YES1: variants seen among roughly 807,000 people sequenced by gnomAD.
YES1 encodes the protein tyrosine-protein kinase Yes.
In YES1, 39 loss-of-function variants were observed where a neutral mutation model predicts 70.4. The ratio of observed to expected loss-of-function variants is 0.55; its 90% CI spans 0.43 to 0.72. YES1 has a LOEUF of 0.72. Ranked by LOEUF, YES1 falls within the 30% of genes least tolerant of loss-of-function variation. The pLI, the probability that YES1 is intolerant of heterozygous loss-of-function variation, is 0.00. For synonymous variants in YES1, 198 were observed against 218.6 expected (o/e 0.91, Z 0.83); for missense variants, 495 against 644.8 (o/e 0.77, Z 2.52).
chr18:775,611 A>G (rs1905339665), intron 1 of YES1, among the ~76,000 whole-genome samples: 1 of 152,142 alleles, frequency 6.6e-6, no homozygotes, highest in Admixed American at 6.6e-5. Context: ...ACCCTGAGCA[A>G]CATAATGAGA....
chr18:762,320 C>CA (rs1302189624), intron 1 of YES1, among the ~76,000 whole-genome samples: 7 of 150,806 alleles, frequency 4.6e-5, no homozygotes, highest in African/African-American at 7.3e-5. Flanking sequence ...AACTCCATCT[C>CA]AAAAAAAAGA....
intron 3 of YES1, among the ~76,000 whole-genome samples, chr18:748,350 G>A (rs1054271855): frequency 5.4e-5 from 6 of 110,148 alleles, no homozygotes; most frequent in Non-Finnish European, 1.7e-5. Context: ...AAATTACTCA[G>A]TATTCTTTTC....
At chr18:786,216 C>T (rs1568214150) in intron 1 of YES1, among the ~76,000 whole-genome samples, 1 of 127,864 alleles carries the variant, frequency 7.8e-6, no homozygotes, top group Non-Finnish European at 1.5e-5. Flanking sequence ...GGTCTCCACA[C>T]AGGAATTACT....
chr18:753,167 A>G (rs112925617), intron 2 of YES1, among the ~76,000 whole-genome samples: 2,508 of 152,206 alleles, frequency 0.016, 81 homozygotes, highest in African/African-American at 0.058. Flanking sequence ...AAAACTCCAT[A>G]ATATATTAAT....
intron 8 of YES1, among the ~76,000 whole-genome samples, chr18:741,206 A>G (rs1035817938): frequency 2.0e-5 from 3 of 151,092 alleles, no homozygotes; most frequent in Non-Finnish European, 4.4e-5. Flanking sequence ...CCTGCTTCCA[A>G]TATCTTGATT....
intron 11 of YES1, 151 bp downstream of exon 11, chr18:732,682 AT>A: frequency 1.9e-6 from 2 of 1,036,302 alleles, no homozygotes; most frequent in Non-Finnish European, 2.8e-6. Flanking sequence ...TACCCATCCA[AT>A]GCCACAGTAA....
intron 1 of YES1, among the ~76,000 whole-genome samples, chr18:782,126 T>C (rs1055640346): frequency 3.9e-5 from 6 of 152,186 alleles, no homozygotes. Flanking sequence ...CTCCCATCTC[T>C]CCTTCACCAC....
intron 1 of YES1, among the ~76,000 whole-genome samples, chr18:777,640 C>A (rs890592451): frequency 8.6e-5 from 13 of 151,824 alleles, no homozygotes; most frequent in African/African-American, 2.9e-4. Context: ...AACCCTGTTT[C>A]TACTAAAAAT....
intron 1 of YES1, among the ~76,000 whole-genome samples, chr18:765,669 A>T (rs1220397417): frequency 6.6e-6 from 1 of 152,158 alleles, no homozygotes; most frequent in Non-Finnish European, 1.5e-5. Flanking sequence ...AAGTGCTGGG[A>T]TTACAGGCGT....
At position 766,917 on chromosome 18, in the gene YES1, T is replaced by C. The variant is rs138161613; in HGVS notation, c.-8-10082A>G. On this transcript the variant is annotated intron_variant, in intron 1 of 11. Coordinates refer to ENST00000314574, the MANE Select transcript of YES1 (RefSeq NM_005433.4). ...AAACTGTGATATTTCTCCCAGTTCA[T>C]AGGTTGCCTTTGCATTTCCATAACA... Among the ~76,000 whole-genome samples the C allele has an allele frequency of 4.2e-3, 644 of 152,338 alleles. 3 individuals are homozygous for C. Among genetic ancestry groups the C allele is most frequent in the African/African-American group, 0.015 (615 of 41,576 alleles).
intron 10 of YES1, 96 bp from the exon 11 acceptor site, chr18:733,061 C>T (rs1370900781): frequency 5.0e-6 from 6 of 1,206,162 alleles, no homozygotes; most frequent in Non-Finnish European, 7.2e-6. Context: ...AATATCTCTA[C>T]TGTAGTCATC....
chr18:746,702 T>C (rs371202088), intron 4 of YES1, among the ~76,000 whole-genome samples: 73 of 152,316 alleles, frequency 4.8e-4, no homozygotes, highest in African/African-American at 1.7e-3. Context: ...TGTTATAACA[T>C]GAAAATAAAG....
chr18:770,705 C>T (rs933443312), intron 1 of YES1, among the ~76,000 whole-genome samples: 13 of 152,086 alleles, frequency 8.5e-5, no homozygotes, highest in African/African-American at 2.9e-4. Context: ...GTTTGTTTCC[C>T]TTCTTTTAGG....
intron 1 of YES1, among the ~76,000 whole-genome samples, chr18:769,097 T>C (rs1905040578): frequency 6.6e-6 from 1 of 152,208 alleles, no homozygotes. Flanking sequence ...AGCCATAGGC[T>C]ATACCATATA....
chr18:748,339 C>T (rs1598903097), intron 3 of YES1, among the ~76,000 whole-genome samples: 1 of 144,270 alleles, frequency 6.9e-6, no homozygotes, highest in East Asian at 2.1e-4. Context: ...GTAAATCTTT[C>T]AAATTACTCA....
At chr18:743,697 G>C (rs2080242357) in intron 6 of YES1, among the ~76,000 whole-genome samples, 1 of 152,028 alleles carries the variant, frequency 6.6e-6, no homozygotes, top group Non-Finnish European at 1.5e-5. Context: ...CACGAGGTCA[G>C]GAGTTCGAGA....
In YES1 at chr18:736,978, CAAAA is replaced by C; in HGVS notation, c.1138-21_1138-18del. ...ATCAGCAATCTTGGAAAGAGAAAAA[CAAAA>C]AACACAAGACATACGATACAAAGGG... is the stretch of plus-strand genomic sequence containing the variant. On this transcript the variant is annotated intron_variant, in intron 9 of 11. Transcript: ENST00000314574. 6.3e-7 allele frequency: 1 copy of C among 1,585,842 alleles called. No homozygotes were observed. The highest frequency in any genetic ancestry group is 8.5e-7 in the Non-Finnish European group (1 of 1,170,300).
intron 1 of YES1, among the ~76,000 whole-genome samples, chr18:790,861 C>G (rs1424799646): frequency 1.3e-5 from 2 of 152,188 alleles, no homozygotes; most frequent in African/African-American, 4.8e-5. Context: ...ATCCTTCCAA[C>G]AGATATCTGG....
intron 11 of YES1, among the ~76,000 whole-genome samples, chr18:725,951 G>A (rs1034427186): frequency 1.8e-4 from 27 of 152,168 alleles, no homozygotes; most frequent in African/African-American, 6.0e-4. Context: ...GTTGTTGGGT[G>A]AAGGAGAAAA....
Sources: gnomAD v4.1 joint callset for allele counts (sites outside exome capture counted in the v4.1 genomes callset) on GRCh38, gnomAD v4.1.1 for gene constraint, MANE v1.5 for transcripts, NCBI Gene and HGNC (gene_info 2026-07-23, HGNC 2026-07-21) for gene names.